The following STK39 variants were observed in gnomAD, a reference collection of about 807,000 sequenced individuals.
STK39 encodes STE20/SPS1-related proline-alanine-rich protein kinase.
STK39 carries 20 observed loss-of-function variants against 77.8 expected under a neutral mutation model. The observed-to-expected ratio is 0.26, with a 90% CI of 0.18 to 0.37. The LOEUF (loss-of-function observed/expected upper bound fraction) is 0.37, where lower values mean the gene tolerates loss of function less well. STK39 is among the 10% of genes least tolerant of loss of function. STK39 has a pLI of 1.00. For missense variants in STK39, 479 were observed against 656.5 expected (o/e 0.73, Z 2.95); for synonymous variants, 246 against 234.1 (o/e 1.05, Z -0.47).
At chr2:168,184,865 C>T (rs1345653164) in intron 1 of STK39, among the ~76,000 whole-genome samples, 1 of 152,162 alleles carries the variant, frequency 6.6e-6, no homozygotes, top group Non-Finnish European at 1.5e-5. Context: ...TCTGCTAGTA[C>T]TAGATTAGGA....
intron 17 of STK39, chr2:167,964,210 T>C (rs1229291013): frequency 6.4e-6 from 1 of 155,782 alleles, no homozygotes; most frequent in Non-Finnish European, 1.4e-5. Context: ...TCCGCCAGCC[T>C]TTGGTGAGTT....
chr2:168,183,917 G>A (rs1341727789), intron 1 of STK39, among the ~76,000 whole-genome samples: 2 of 152,146 alleles, frequency 1.3e-5, no homozygotes, highest in African/African-American at 4.8e-5. Flanking sequence ...CACTATCACT[G>A]AAGGGAGCCA....
At chr2:168,212,525 C>T (rs1559148788) in intron 1 of STK39, among the ~76,000 whole-genome samples, 2 of 152,216 alleles carry the variant, frequency 1.3e-5, no homozygotes, top group Admixed American at 1.3e-4. Context: ...AGTTAAATGT[C>T]TGAAAAGGGC....
At chr2:168,213,511 C>T (rs934260962) in intron 1 of STK39, among the ~76,000 whole-genome samples, 1 of 151,656 alleles carries the variant, frequency 6.6e-6, no homozygotes, top group African/African-American at 2.4e-5. Context: ...AATAGCAAAA[C>T]CCTGTCTCTA....
intron 14 of STK39, among the ~76,000 whole-genome samples, chr2:168,022,565 A>T (rs1684596600): frequency 6.6e-6 from 1 of 152,244 alleles, no homozygotes; most frequent in Admixed American, 6.5e-5. Context: ...AGAAAAAAGA[A>T]ATTTGAAATT....
intron 17 of STK39, among the ~76,000 whole-genome samples, chr2:167,959,841 C>T (rs1691896507): frequency 2.0e-5 from 3 of 152,080 alleles, no homozygotes; most frequent in Non-Finnish European, 4.4e-5. Context: ...GCATGTGTGC[C>T]GACATTACCA....
intron 10 of STK39, among the ~76,000 whole-genome samples, chr2:168,127,783 A>T (rs895600752): frequency 3.9e-5 from 6 of 152,226 alleles, no homozygotes; most frequent in African/African-American, 1.4e-4. Flanking sequence ...AAGAAAGAAT[A>T]GAAACGGGGA....
At chr2:168,134,450 G>A (rs2105516610) in intron 8 of STK39, among the ~76,000 whole-genome samples, 1 of 146,666 alleles carries the variant, frequency 6.8e-6, no homozygotes, top group South Asian at 2.1e-4. Flanking sequence ...CCCCACAAAA[G>A]AAATATTCAA....
intron 16 of STK39, among the ~76,000 whole-genome samples, chr2:168,001,292 CA>C (rs1261956074): frequency 7.1e-6 from 1 of 141,830 alleles, no homozygotes; most frequent in East Asian, 2.1e-4. Flanking sequence ...AAAACAACAA[CA>C]AAGGAACAAA....
chr2:167,977,631 A>G (rs1219091902), intron 16 of STK39, among the ~76,000 whole-genome samples: 2 of 151,860 alleles, frequency 1.3e-5, no homozygotes, highest in Non-Finnish European at 2.9e-5. Context: ...GTTGAAAAGT[A>G]CTTTGTTTCT....
intron 14 of STK39, among the ~76,000 whole-genome samples, chr2:168,056,004 T>C (rs550128157): frequency 6.6e-6 from 1 of 152,282 alleles, no homozygotes; most frequent in South Asian, 2.1e-4. Flanking sequence ...TTATCATATA[T>C]ACTATGGACA....
chr2:168,066,650 G>A (rs1685801869), intron 12 of STK39, among the ~76,000 whole-genome samples: 1 of 152,196 alleles, frequency 6.6e-6, no homozygotes, highest in South Asian at 2.1e-4. Flanking sequence ...TTTACTAAGA[G>A]GTGAAAACTT....
chr2:168,132,937 A>G (rs1254972183), intron 8 of STK39, among the ~76,000 whole-genome samples: 1 of 152,034 alleles, frequency 6.6e-6, no homozygotes, highest in East Asian at 1.9e-4. Flanking sequence ...CAGCACTACA[A>G]CTCCTGGAGC....
intron 5 of STK39, among the ~76,000 whole-genome samples, chr2:168,158,754 A>G (rs954239959): frequency 8.5e-5 from 13 of 152,294 alleles, no homozygotes; most frequent in Middle Eastern, 3.4e-3. Context: ...TACCTTCCTC[A>G]TGGAGTTGTG....
chr2:168,154,983 A>C (rs35947105), intron 5 of STK39, among the ~76,000 whole-genome samples: 20,540 of 148,692 alleles, frequency 0.14, 1,694 homozygotes, highest in East Asian at 0.25. Flanking sequence ...AGACCTCCAT[A>C]GTATTTGGTA....
chr2:168,136,056 A>T (rs1380562507), intron 8 of STK39, among the ~76,000 whole-genome samples: 1 of 152,048 alleles, frequency 6.6e-6, no homozygotes, highest in African/African-American at 2.4e-5. Flanking sequence ...AAATCCGGAA[A>T]GACTTTCAAG....
In STK39 at chr2:168,218,790, A is replaced by G. The variant is rs545609456; in HGVS notation, c.208+28438T>C. 3.3e-5 allele frequency among the ~76,000 whole-genome samples: 5 copies of G among 152,354 alleles called. No individual in the cohort carries two copies. In the South Asian group the frequency reaches 1.0e-3, roughly 32 times the overall value. ...AAAAGACGTGGGGAAAGCCTCAATT[A>G]AACACAGAGAAAGCTATTAGGAGAA... On this transcript the variant is annotated intron_variant, in intron 1 of 17. Transcript: ENST00000355999.
At chr2:168,013,739 C>T (rs115663479) in intron 15 of STK39, among the ~76,000 whole-genome samples, 3,145 of 151,992 alleles carry the variant, frequency 0.021, 112 homozygotes, top group African/African-American at 0.072. Context: ...TAACCATAAA[C>T]TGCATTTCCT....
intron 16 of STK39, among the ~76,000 whole-genome samples, chr2:167,998,218 C>T (rs983484400): frequency 1.3e-5 from 2 of 152,234 alleles, no homozygotes; most frequent in Non-Finnish European, 2.9e-5. Context: ...AGCCCTCTAT[C>T]CGGTTCACCC....
Sources: allele counts gnomAD v4.1 joint callset (sites outside exome capture counted in the v4.1 genomes callset), GRCh38; gene constraint gnomAD v4.1.1; transcripts MANE v1.5; gene names NCBI Gene and HGNC (gene_info 2026-07-23, HGNC 2026-07-21).